Variants in C16orf96 observed in about 807,000 individuals in gnomAD.
C16orf96 encodes the protein uncharacterized protein C16orf96.
C16orf96 carries 108 observed loss-of-function variants against 103.6 expected under a neutral mutation model. That is an observed-to-expected ratio of 1.04 (90% CI 0.89 to 1.22). The LOEUF is 1.22. Ranked by LOEUF, C16orf96 falls within the 50% of genes most tolerant of loss-of-function variation. The pLI is 0.00. For missense variants in C16orf96, 1,586 were observed against 1,464.2 expected, an observed-to-expected ratio of 1.08 and a Z score of -1.36; for synonymous variants, 566 against 593.5, an observed-to-expected ratio of 0.95 and a Z score of 0.67.
At chr16:4,550,344 C>A in the C16orf96 span, among the ~76,000 whole-genome samples, 3 of 152,106 alleles carry the variant, frequency 2.0e-5, no homozygotes, top group Non-Finnish European at 2.9e-5. Context: ...CTCAGCCTCC[C>A]ACAGTGCTGA....
chr16:4,578,780 A>C (rs2059545348), intron 5 of C16orf96, among the ~76,000 whole-genome samples, 160 bp from the exon 6 acceptor site: 1 of 152,154 alleles, frequency 6.6e-6, no homozygotes, highest in African/African-American at 2.4e-5. Context: ...ATTAAAAAAT[A>C]ATGAAGAAAT....
In C16orf96 at chr16:4,582,520, C is replaced by A. The variant is rs746858381; in HGVS notation, c.2352+2395C>A. Among the ~76,000 whole-genome samples the A allele has an allele frequency of 3.4e-4, 52 of 152,050 alleles. 1 individual carries two copies. The highest frequency in any genetic ancestry group is 6.2e-4 in the Non-Finnish European group (42 of 68,028). On this transcript the variant is annotated intron_variant, in intron 7 of 15. Coordinates refer to ENST00000444310, the MANE Select transcript of C16orf96 (RefSeq NM_001145011.2). ...GGAAAATAACTCATTAAAGGGGAAC[C>A]AATTCACAGCCTATGAAGTGGGGGT...
At chr16:4,566,458 T>C (rs1287692911) in intron 1 of C16orf96, among the ~76,000 whole-genome samples, 8 of 152,250 alleles carry the variant, frequency 5.3e-5, no homozygotes, top group Non-Finnish European at 1.5e-5. Flanking sequence ...TTTTATGTGC[T>C]TATTGGCCAT....
chr16:4,546,229 G>A, the C16orf96 span, among the ~76,000 whole-genome samples: 1 of 149,576 alleles, frequency 6.7e-6, no homozygotes, highest in Non-Finnish European at 1.5e-5. Context: ...TGTAATCTCG[G>A]CTCACTGCAA....
chr16:4,599,694 C>T (rs1282231212), intron 15 of C16orf96, among the ~76,000 whole-genome samples: 4 of 152,236 alleles, frequency 2.6e-5, no homozygotes, highest in Non-Finnish European at 5.9e-5. Flanking sequence ...GGCAGTTTCT[C>T]CCTTATCTCA....
chr16:4,570,099 A>G (rs1298696740), intron 1 of C16orf96, among the ~76,000 whole-genome samples: 1 of 102,476 alleles, frequency 9.8e-6, no homozygotes, highest in Admixed American at 1.1e-4. Context: ...CCCTTCCCCA[A>G]GCTAGAACTT....
rs1897133957 is a variant in C16orf96 at position 4,594,710 on chromosome 16, G to A, written c.3034G>A (p.Val1012Met). The change falls in exon 14 of 16, where the codon GTG becomes ATG. Residue 1012 changes from valine to methionine, a missense_variant. Transcript: ENST00000444310. ...PHVIDYDSAE[V>M]DILGVDGILY... The stretch of plus-strand genomic sequence containing the variant: ...GACCTGGGCCATCCAACAGGCCGAG[G>A]TGGACATCCTGGGCGTGGATGGGAT... 6.4e-7 allele frequency: 1 copy of A among 1,551,294 alleles called. No individual in the cohort carries two copies. Among genetic ancestry groups the A allele is most frequent in the South Asian group, 1.2e-5 (1 of 84,050 alleles).
rs1015894720 is a variant in C16orf96 at position 4,580,008 on chromosome 16, C to G, written c.2242-7C>G. 2.3e-5 allele frequency: 36 copies of G among 1,550,502 alleles called. No homozygotes were observed. The East Asian group carries it at 3.9e-4, about 17-fold the overall frequency. ...AGGCCTGGGGTGTCTGTGTCTCCCC[C>G]TTTTAGGAGGAAGAACTTGAGAGAA... On this transcript the variant is annotated splice_region_variant and splice_polypyrimidine_tract_variant and intron_variant, in intron 6 of 15. Transcript: ENST00000444310.
chr16:4,582,719 A>C (rs1281198416), intron 7 of C16orf96, among the ~76,000 whole-genome samples: 4 of 152,108 alleles, frequency 2.6e-5, no homozygotes, highest in African/African-American at 9.7e-5. Context: ...CCCTTTCTCC[A>C]TGGAGCTGGA....
intron 1 of C16orf96, among the ~76,000 whole-genome samples, chr16:4,559,373 T>A (rs1188083777): frequency 6.6e-6 from 1 of 151,060 alleles, no homozygotes; most frequent in Non-Finnish European, 1.5e-5. Flanking sequence ...TGAAAACCCG[T>A]CTCTACTAAA....
In C16orf96 at chr16:4,575,400, C is replaced by T. The variant is rs1424725856; in HGVS notation, c.920C>T (p.Ala307Val). 3.9e-6 allele frequency: 6 copies of T among 1,550,294 alleles called. No homozygotes were observed. Among genetic ancestry groups the T allele is most frequent in the East Asian group, 4.9e-5 (2 of 40,918 alleles). Reference sequence around the variant, plus strand: ...TCACTCAGCAGAGCCCAGGAGCCAGCGCAGCCTCCGGCCCTCACGCCTGAG... The same window carrying T: ...TCACTCAGCAGAGCCCAGGAGCCAGTGCAGCCTCCGGCCCTCACGCCTGAG... The part of the protein sequence containing the change: ...AVSLSRAQEP[A>V]QPPALTPESA... The change falls in exon 5 of 16, where the codon GCG (alanine) becomes GTG (valine). Residue 307 changes from alanine (A) to valine (V), a missense_variant. Transcript: ENST00000444310.
At position 4,575,758 on chromosome 16, in the gene C16orf96, A is replaced by G. The variant is rs2059497394; in HGVS notation, c.1278A>G (p.Pro426=). The G allele has an allele frequency of 6.5e-7, 1 of 1,548,274 alleles. No homozygotes were observed. Among genetic ancestry groups the G allele is most frequent in the Non-Finnish European group, 8.7e-7 (1 of 1,145,700 alleles). The stretch of plus-strand genomic sequence containing the variant: ...CCCAACCCTCCAGGGCCCCACCACC[A>G]GCCACTGAGTTTGGCTCATTGTGGC... ...TQPQPSRAPP[P]ATEFGSLWPR... Residue 426 remains proline (P), a synonymous_variant, in exon 5 of 16, where the codon CCA becomes CCG. Transcript: ENST00000444310.
At chr16:4,582,788 G>A (rs1387936734) in intron 7 of C16orf96, among the ~76,000 whole-genome samples, 1 of 152,160 alleles carries the variant, frequency 6.6e-6, no homozygotes, top group East Asian at 1.9e-4. Context: ...CCTGCATGGG[G>A]GTGAGCAGGG....
chr16:4,600,430 G>T lies in C16orf96; in HGVS notation c.*113G>T, dbSNP rs1412123821. The T allele has an allele frequency of 2.8e-6, 2 of 710,022 alleles. No individual in the cohort carries two copies. Among genetic ancestry groups the T allele is most frequent in the Admixed American group, 4.8e-5 (2 of 41,280 alleles). The allele number at this position is 710,022 out of a possible 1,614,324, so 44.0% of individuals were successfully genotyped here. ...CTCCACATCGGAGGCTGAGGCCTAT[G>T]TGGCCCCCCACCCCCACCCCCACCA... On this transcript the variant is annotated 3_prime_UTR_variant, in exon 16 of 16. Coordinates refer to ENST00000444310, the MANE Select transcript of C16orf96 (RefSeq NM_001145011.2).
Position 4,585,299 on chromosome 16 carries a change from A to AG in C16orf96, c.2353-1740_2353-1739insG, listed in dbSNP as rs1896896250. On this transcript the variant is annotated intron_variant, in intron 7 of 15. Transcript: ENST00000444310. The stretch of plus-strand genomic sequence containing the variant: ...TGAGACCCCTGTCTCTACAAAAAAA[A>AG]AAAAAAAAAAAAATCCAGGTAGGTG... Among the ~76,000 whole-genome samples, 2 of 116,076 alleles carry AG rather than the reference A, an allele frequency of 1.7e-5. 1 individual carries two copies. Among genetic ancestry groups the AG allele is most frequent in the South Asian group, 7.3e-4 (2 of 2,746 alleles). 76.2% of individuals were successfully genotyped at this position (116,076 alleles called of 152,430 possible). A position where few individuals can be genotyped will look rare whatever the true frequency, so the allele number is the denominator to read the frequency against.
chr16:4,598,569 G>A (rs1301680557), intron 14 of C16orf96, among the ~76,000 whole-genome samples: 4 of 151,956 alleles, frequency 2.6e-5, no homozygotes, highest in African/African-American at 7.3e-5. Flanking sequence ...CCTCTGAATT[G>A]TGCACTTTAA....
At chr16:4,598,733 G>A (rs1897225477) in intron 14 of C16orf96, among the ~76,000 whole-genome samples, 1 of 152,192 alleles carries the variant, frequency 6.6e-6, no homozygotes, top group Admixed American at 6.5e-5. Context: ...GTGTCTTACT[G>A]TGCTGAAATC....
upstream of C16orf96, among the ~76,000 whole-genome samples, chr16:4,555,986 C>T (rs940552505): frequency 9.2e-5 from 14 of 152,124 alleles, no homozygotes; most frequent in African/African-American, 3.4e-4. Context: ...AGGCCTGAAC[C>T]CCCACACCCA....
chr16:4,541,852 C>G, the C16orf96 span, among the ~76,000 whole-genome samples: 1 of 152,192 alleles, frequency 6.6e-6, no homozygotes, highest in Admixed American at 6.5e-5. Flanking sequence ...ACAGAAACAC[C>G]TATAAACAAG....
Sources: gnomAD v4.1 joint callset for allele counts (sites outside exome capture counted in the v4.1 genomes callset) on GRCh38, gnomAD v4.1.1 for gene constraint, MANE v1.5 for transcripts, NCBI Gene and HGNC (gene_info 2026-07-23, HGNC 2026-07-21) for gene names.